USP54: variants seen among roughly 807,000 people sequenced by gnomAD.
USP54 encodes the protein ubiquitin specific peptidase 54.
USP54 carries 87 observed loss-of-function variants against 170.5 expected under a neutral mutation model. The ratio of observed to expected loss-of-function variants is 0.51; its 90% CI spans 0.43 to 0.61. The LOEUF is 0.61. Among genes scored for constraint, USP54 ranks in the 20% least tolerant of loss-of-function variants. The probability of loss-of-function intolerance (pLI) is 0.00; values close to 1 mark genes in which losing one functional copy is unlikely to be tolerated. For missense variants in USP54, 1,786 were observed against 2,047.8 expected (o/e 0.87, Z 2.47); for synonymous variants, 655 against 742.8 (o/e 0.88, Z 1.92).
At chr10:73,568,067 C>A (rs2074249130) in intron 4 of USP54, among the ~76,000 whole-genome samples, 1 of 151,986 alleles carries the variant, frequency 6.6e-6, no homozygotes, top group Non-Finnish European at 1.5e-5. Flanking sequence ...GTATGTGCGA[C>A]CATGTCCCAC....
At chr10:73,547,755 A>G (rs1590249311) in intron 4 of USP54, among the ~76,000 whole-genome samples, 1 of 152,246 alleles carries the variant, frequency 6.6e-6, no homozygotes, top group Admixed American at 6.6e-5. Context: ...AGACTTAAAT[A>G]TCAGACTAAA....
chr10:73,578,693 C>A (rs1018256638), intron 1 of USP54, among the ~76,000 whole-genome samples: 1 of 152,068 alleles, frequency 6.6e-6, no homozygotes, highest in African/African-American at 2.4e-5. Flanking sequence ...CATGAGCCAC[C>A]GCACCCAGCC....
Position 73,542,785 on chromosome 10 carries a change from A to G in USP54, c.572+18T>C. The G allele has an allele frequency of 6.2e-7, 1 of 1,611,986 alleles. No individual in the cohort carries two copies. The highest frequency in any genetic ancestry group is 1.1e-5 in the South Asian group (1 of 90,472). ...GAGGAATGCCTAAACGCACAACAGAAAATCTTGTAAGACTCACCAAAGGGA... is the reference window on the plus strand; with the variant it reads ...GAGGAATGCCTAAACGCACAACAGAGAATCTTGTAAGACTCACCAAAGGGA... On this transcript the variant is annotated intron_variant, in intron 7 of 23. Transcript: ENST00000687698.
chr10:73,504,413 T>C (rs2058718877), intron 22 of USP54: 3 of 172,212 alleles, frequency 1.7e-5, no homozygotes, highest in Admixed American at 1.7e-4. Flanking sequence ...TTTCCTCTTC[T>C]TGCTGATACA....
chr10:73,526,896 C>T (rs140365518), intron 15 of USP54, 116 bp from the exon 16 acceptor site: 2 of 1,210,420 alleles, frequency 1.7e-6, no homozygotes, highest in African/African-American at 1.5e-5. Context: ...AGAGCTTCTG[C>T]TAAACTACTT....
At chr10:73,510,195 C>T (rs938939678) in intron 20 of USP54, among the ~76,000 whole-genome samples, 1 of 151,586 alleles carries the variant, frequency 6.6e-6, no homozygotes, top group Middle Eastern at 3.2e-3. Flanking sequence ...ATTAGCCTGG[C>T]ATGGTGGCAC....
intron 20 of USP54, among the ~76,000 whole-genome samples, chr10:73,514,550 G>A (rs1589917036): frequency 6.7e-6 from 1 of 149,088 alleles, no homozygotes. Flanking sequence ...GCAACAGAGC[G>A]AGACTCTGTC....
chr10:73,559,623 G>A (rs2072298346), intron 4 of USP54, among the ~76,000 whole-genome samples: 1 of 151,750 alleles, frequency 6.6e-6, no homozygotes, highest in Non-Finnish European at 1.5e-5. Context: ...AGTTACTCTG[G>A]AGGTGGAGGC....
At position 73,534,625 on chromosome 10, in the gene USP54, G is replaced by T; in HGVS notation, c.1290C>A (p.Ser430=). 3 of 1,614,032 alleles carry T rather than the reference G, an allele frequency of 1.9e-6. No homozygotes were observed. The highest frequency in any genetic ancestry group is 1.7e-6 in the Non-Finnish European group (2 of 1,179,964). Residue 430 remains serine, a synonymous_variant, in exon 12 of 24, where the codon TCC becomes TCA. Coordinates refer to ENST00000687698, the MANE Select transcript of USP54 (RefSeq NM_001391956.1). The part of the protein sequence containing the change: ...GTVIYNVEND[S]MSQSSRDTGH... ...CTGTGTCCCGACTGCTCTGAGACAT[G>T]GAATCATTTTCCACATTATAGATGA...
In USP54 at chr10:73,526,881, C is replaced by A. The variant is rs564287688; in HGVS notation, c.2061-101G>T. On this transcript the variant is annotated intron_variant, in intron 15 of 23. Coordinates refer to ENST00000687698, the MANE Select transcript of USP54 (RefSeq NM_001391956.1). ...CTCAAAAAAAAAAAATCAAACTACA[C>A]AATTAGAGCTTCTGCTAAACTACTT... 6.8e-6 allele frequency: 9 copies of A among 1,326,784 alleles called. No homozygotes were observed. In the East Asian group the frequency reaches 1.5e-4, roughly 22 times the overall value. 82.2% of individuals were successfully genotyped at this position (1,326,784 alleles called of 1,614,324 possible). A position where few individuals can be genotyped will look rare whatever the true frequency, so the allele number is the denominator to read the frequency against.
intron 20 of USP54, chr10:73,515,827 G>A (rs1469773335): frequency 6.9e-6 from 1 of 145,008 alleles, no homozygotes; most frequent in African/African-American, 2.6e-5. Flanking sequence ...CTGTTACCCA[G>A]GTTGGAGTGC....
At chr10:73,582,870 G>C (rs1019782872) in intron 1 of USP54, among the ~76,000 whole-genome samples, 2 of 152,134 alleles carry the variant, frequency 1.3e-5, no homozygotes, top group African/African-American at 4.8e-5. Context: ...AAATATAGTA[G>C]TTTCACAATG....
intron 20 of USP54, among the ~76,000 whole-genome samples, chr10:73,511,202 G>A (rs1249469562): frequency 6.8e-6 from 1 of 148,072 alleles, no homozygotes; most frequent in African/African-American, 2.5e-5. Flanking sequence ...GGGTTCAAAC[G>A]ATTCTCCCAC....
rs1455930744 is a variant in USP54, at chr10:73,536,390, A to G, written c.1023T>C (p.His341=). The G allele has an allele frequency of 6.3e-7, 1 of 1,590,238 alleles. No homozygotes were observed. Among genetic ancestry groups the G allele is most frequent in the East Asian group, 2.2e-5 (1 of 44,554 alleles). Residue 341 remains histidine (H), a synonymous_variant, in exon 11 of 24, where the codon CAT becomes CAC. Coordinates refer to ENST00000687698, the MANE Select transcript of USP54 (RefSeq NM_001391956.1). ...KDVVTKCIKG[H]YQPLLLLYAD... ...CATAAAGCAGCAGCAGGGGCTGATA[A>G]TGCCCCTTGATGCATTTGGTCACCA...
intron 1 of USP54, among the ~76,000 whole-genome samples, chr10:73,608,881 G>A (rs1303215344): frequency 6.6e-6 from 1 of 152,182 alleles, no homozygotes; most frequent in African/African-American, 2.4e-5. Flanking sequence ...CTCCAGCCAG[G>A]GGGACAGAGT....
chr10:73,614,846 G>T (rs1047137444), intron 1 of USP54, among the ~76,000 whole-genome samples: 1 of 150,206 alleles, frequency 6.7e-6, no homozygotes, highest in Non-Finnish European at 1.5e-5. Flanking sequence ...GCCTACTTAA[G>T]CAAGCCTCAA....
At chr10:73,593,549 A>C (rs2132230533), upstream of USP54, among the ~76,000 whole-genome samples, 1 of 152,354 alleles carries the variant, frequency 6.6e-6, no homozygotes. Context: ...TAGTTACAAC[A>C]GTACTTTGTA....
intron 20 of USP54, among the ~76,000 whole-genome samples, chr10:73,508,985 T>C (rs1003132316): frequency 6.6e-6 from 1 of 150,826 alleles, no homozygotes; most frequent in African/African-American, 2.4e-5. Context: ...TTTTTTTTTT[T>C]TTTCTTAAGG....
intron 10 of USP54, among the ~76,000 whole-genome samples, chr10:73,538,799 G>A (rs896711507): frequency 6.6e-6 from 1 of 152,104 alleles, no homozygotes; most frequent in Non-Finnish European, 1.5e-5. Flanking sequence ...GCAATAGAGT[G>A]AGGAAACCCT....
Sources: allele counts gnomAD v4.1 joint callset (sites outside exome capture counted in the v4.1 genomes callset), GRCh38; gene constraint gnomAD v4.1.1; transcripts MANE v1.5; gene names NCBI Gene and HGNC (gene_info 2026-07-23, HGNC 2026-07-21).